RTL9: variants seen among roughly 807,000 people sequenced by gnomAD.
RTL9 encodes retrotransposon Gag like 9, also known as retrotransposon Gag-like protein 9.
RTL9 carries 19 observed loss-of-function variants against 44.7 expected under a neutral mutation model. The ratio of observed to expected loss-of-function variants is 0.42; its 90% CI spans 0.30 to 0.62. The LOEUF is 0.62. RTL9 is among the 20% of genes least tolerant of loss of function. The probability of loss-of-function intolerance (pLI) is 0.16; values close to 1 mark genes in which losing one functional copy is unlikely to be tolerated. For missense variants in RTL9, 1,105 were observed against 1,080.6 expected, an observed-to-expected ratio of 1.02 and a Z score of -0.32; for synonymous variants, 407 against 398.9, an observed-to-expected ratio of 1.02 and a Z score of -0.24.
chrX:110,432,049 A>T (rs1486864635), intron 1 of RTL9, among the ~76,000 whole-genome samples: 5 of 112,103 alleles, frequency 4.5e-5, no homozygotes, highest in African/African-American at 1.6e-4. Context: ...CCATTCATTT[A>T]TTCAACATTT....
upstream of RTL9, among the ~76,000 whole-genome samples, chrX:110,416,030 C>T (rs1298673447): frequency 9.2e-6 from 1 of 108,692 alleles, no homozygotes; most frequent in African/African-American, 3.4e-5. Flanking sequence ...AAATGGGAAG[C>T]AGACTCAGAT....
upstream of RTL9, among the ~76,000 whole-genome samples, chrX:110,417,915 A>G (rs903026367): frequency 2.7e-5 from 3 of 112,661 alleles, no homozygotes; most frequent in African/African-American, 9.7e-5. Flanking sequence ...ATTCCAGTCC[A>G]CCAGCCTGTA....
chrX:110,428,601 C>A (rs997124705), intron 1 of RTL9, among the ~76,000 whole-genome samples: 9 of 111,157 alleles, frequency 8.1e-5, no homozygotes, highest in East Asian at 5.7e-4. Context: ...TCTGAACACT[C>A]CCCCCCTCTC....
At chrX:110,427,833 A>C (rs747379839) in intron 1 of RTL9, among the ~76,000 whole-genome samples, 100 of 112,041 alleles carry the variant, frequency 8.9e-4, no homozygotes, top group African/African-American at 3.0e-3. Context: ...TTAGAGCCAC[A>C]CATGGTCTCT....
intron 1 of RTL9, among the ~76,000 whole-genome samples, chrX:110,372,519 C>T (rs1248753266): frequency 9.0e-6 from 1 of 111,125 alleles, no homozygotes; most frequent in Non-Finnish European, 1.9e-5. Context: ...AACTTAACAA[C>T]ACACCTGTCT....
At chrX:110,420,842 G>A (rs780516499) in intron 1 of RTL9, among the ~76,000 whole-genome samples, 1 of 111,231 alleles carries the variant, frequency 9.0e-6, no homozygotes, top group East Asian at 2.8e-4. Flanking sequence ...AGGAGTTTTG[G>A]CTCGGGAGGC....
intron 1 of RTL9, among the ~76,000 whole-genome samples, chrX:110,369,063 T>C (rs2068318213): frequency 8.9e-6 from 1 of 112,388 alleles, no homozygotes; most frequent in Non-Finnish European, 1.9e-5. Context: ...CTGTGTGCGG[T>C]GGCTCACGCC....
chrX:110,367,124 T>G (rs1004258402), intron 1 of RTL9, among the ~76,000 whole-genome samples: 2 of 112,181 alleles, frequency 1.8e-5, no homozygotes, highest in Middle Eastern at 9.1e-3. Flanking sequence ...CACTAAATTT[T>G]ATTTCTTTTT....
intron 1 of RTL9, among the ~76,000 whole-genome samples, chrX:110,427,292 T>C (rs1402918871): frequency 8.9e-6 from 1 of 112,088 alleles, no homozygotes; most frequent in East Asian, 2.8e-4. Flanking sequence ...TCCCCTCCAC[T>C]TAACACTTGT....
intron 1 of RTL9, among the ~76,000 whole-genome samples, chrX:110,422,063 G>T (rs1043191363): frequency 4.4e-5 from 5 of 113,133 alleles, no homozygotes; most frequent in African/African-American, 1.6e-4. Context: ...TTCCCTTTCT[G>T]GAAAATGGGG....
chrX:110,452,401 A>G, exon 1 of RTL9: 1 of 1,211,049 alleles, frequency 8.3e-7, no homozygotes, highest in Non-Finnish European at 1.1e-6. Context: ...TTAATGAGAG[A>G]CACAGCCTCA....
chrX:110,444,161 A>G (rs2068896745), intron 1 of RTL9, among the ~76,000 whole-genome samples: 1 of 112,836 alleles, frequency 8.9e-6, no homozygotes, highest in African/African-American at 3.2e-5. Context: ...TATTCCTACA[A>G]GAGAGGCATG....
intron 1 of RTL9, 126 bp from the exon 4 acceptor site, chrX:110,455,076 C>T: frequency 1.1e-6 from 1 of 906,804 alleles, no homozygotes; most frequent in Non-Finnish European, 1.6e-6. Context: ...CTTGGTCACA[C>T]TGTATGCAAG....
intron 1 of RTL9, among the ~76,000 whole-genome samples, chrX:110,440,855 C>T (rs2068875002): frequency 8.9e-6 from 1 of 112,016 alleles, no homozygotes; most frequent in Non-Finnish European, 1.9e-5. Flanking sequence ...GAAATCTTCC[C>T]TCCCTAGCTT....
At chrX:110,398,867 C>T (rs1278355809) in intron 1 of RTL9, among the ~76,000 whole-genome samples, 5 of 111,838 alleles carry the variant, frequency 4.5e-5, no homozygotes, top group Non-Finnish European at 7.5e-5. Flanking sequence ...TTTCATTTGC[C>T]GACTTTAATT....
intron 1 of RTL9, among the ~76,000 whole-genome samples, chrX:110,437,955 C>T (rs189073582): frequency 1.8e-3 from 204 of 111,815 alleles, no homozygotes; most frequent in Non-Finnish European, 2.9e-3. Context: ...GATTATTCCT[C>T]CTTCTTGTAC....
intron 1 of RTL9, among the ~76,000 whole-genome samples, chrX:110,362,286 GT>G (rs2068269288): frequency 1.8e-5 from 2 of 111,454 alleles, no homozygotes; most frequent in South Asian, 7.5e-4. Flanking sequence ...TAAAGTAAAA[GT>G]TGCTTTCATT....
chrX:110,433,619 A>G (rs1309516904), intron 1 of RTL9, among the ~76,000 whole-genome samples: 2 of 111,906 alleles, frequency 1.8e-5, no homozygotes. Flanking sequence ...AAACACATAC[A>G]CAAACACATA....
Position 110,376,804 on chromosome X carries a change from T to C in RTL9, c.-168+17888T>C, listed in dbSNP as rs150511361. ...TCACAGTACCTGCCTTGCAGAGGTG[T>C]GGGGAAGGAGGCAAGTCAAATGTAT... On this transcript the variant is annotated intron_variant, in intron 1 of 2. Coordinates refer to the RTL9 transcript ENST00000520821. Among the ~76,000 whole-genome samples the C allele has an allele frequency of 5.2e-3, 588 of 112,207 alleles. 3 individuals are homozygous for C. The highest frequency in any genetic ancestry group is 0.018 in the African/African-American group (555 of 30,875).
Sources: gnomAD v4.1 joint callset for allele counts (sites outside exome capture counted in the v4.1 genomes callset) on GRCh38, gnomAD v4.1.1 for gene constraint, MANE v1.5 for transcripts, NCBI Gene and HGNC (gene_info 2026-07-23, HGNC 2026-07-21) for gene names.